The following ABHD3 variants were observed in gnomAD, a reference collection of about 807,000 sequenced individuals.
ABHD3 encodes the protein phospholipase ABHD3.
Under a neutral mutation model 48.8 loss-of-function variants are expected in ABHD3, and 46 were observed. The ratio of observed to expected loss-of-function variants is 0.94; its 90% CI spans 0.74 to 1.20. The LOEUF is 1.20. Among genes scored for constraint, ABHD3 ranks in the 50% most tolerant of loss-of-function variants. The pLI is 0.00. For missense variants in ABHD3, 490 were observed against 497.8 expected, an observed-to-expected ratio of 0.98 and a Z score of 0.15; for synonymous variants, 192 against 183.7, an observed-to-expected ratio of 1.04 and a Z score of -0.36.
At chr18:21,652,106 T>C (rs2039236037) in intron 8 of ABHD3, among the ~76,000 whole-genome samples, 1 of 152,162 alleles carries the variant, frequency 6.6e-6, no homozygotes, top group Non-Finnish European at 1.5e-5. Flanking sequence ...TAATAGGCTA[T>C]AAAATTCCCA....
intron 3 of ABHD3, among the ~76,000 whole-genome samples, chr18:21,690,020 C>A (rs970989898): frequency 1.3e-5 from 2 of 151,266 alleles, no homozygotes; most frequent in Non-Finnish European, 2.9e-5. Flanking sequence ...CTAACTGGTC[C>A]CGAGATTGTC....
chr18:21,704,051 C>G (rs1462855910), intron 1 of ABHD3, among the ~76,000 whole-genome samples: 3 of 152,212 alleles, frequency 2.0e-5, no homozygotes, highest in African/African-American at 7.2e-5. Context: ...GCCACCACGC[C>G]CGGCTAATTT....
Position 21,704,770 on chromosome 18 carries a change from A to G in ABHD3, c.-105T>C. ...GCGGCGCCGCTGCCTACTCCCGACC[A>G]CAGTGTCTCCTGCCTGGCGGAGCGC... On this transcript the variant is annotated 5_prime_UTR_variant, in exon 1 of 9. Coordinates refer to ENST00000289119, the MANE Select transcript of ABHD3 (RefSeq NM_138340.5). The G allele has an allele frequency of 7.5e-6, 8 of 1,064,536 alleles. No individual in the cohort carries two copies. Among genetic ancestry groups the G allele is most frequent in the East Asian group, 3.7e-5 (1 of 26,832 alleles). 65.9% of individuals were successfully genotyped at this position (1,064,536 alleles called of 1,614,324 possible). A position where few individuals can be genotyped will look rare whatever the true frequency, so the allele number is the denominator to read the frequency against.
intron 8 of ABHD3, among the ~76,000 whole-genome samples, chr18:21,653,251 A>AGGCTGAGGCAGGAGCATTG (rs2039269473): frequency 1.3e-5 from 2 of 150,366 alleles, no homozygotes; most frequent in Admixed American, 1.3e-4. Flanking sequence ...AATCCCAGCT[A>AGGCTGAGGCAGGAGCATTG]CTTGGGAGGC....
chr18:21,658,748 T>C (rs1339393193), intron 6 of ABHD3, among the ~76,000 whole-genome samples: 1 of 152,210 alleles, frequency 6.6e-6, no homozygotes, highest in African/African-American at 2.4e-5. Flanking sequence ...GTAGTAAATT[T>C]ATTCAGTGTA....
chr18:21,664,190 T>A lies in ABHD3; in HGVS notation c.596A>T (p.Glu199Val). The A allele has an allele frequency of 6.2e-7, 1 of 1,614,078 alleles. No individual in the cohort carries two copies. Among genetic ancestry groups the A allele is most frequent in the Non-Finnish European group, 8.5e-7 (1 of 1,179,988 alleles). ...TYCCANTEDL[E>V]TVIHHVHSLY... ...GCTGTGTACATGGTGAATAACTGTC[T>A]CCAAGTCTTCAGTGTTAGCACAACA... The change falls in exon 5 of 9, where the codon GAG (glutamate) becomes GTG (valine). Residue 199 changes from glutamate (E) to valine (V), a missense_variant. Physicochemically the swap from Glu to Val is moderately radical, Grantham distance 121. Coordinates refer to ENST00000289119, the MANE Select transcript of ABHD3 (RefSeq NM_138340.5).
chr18:21,660,104 C>T lies in ABHD3; in HGVS notation c.669-761G>A, dbSNP rs1262045409. Among the ~76,000 whole-genome samples the T allele has an allele frequency of 2.1e-5, 3 of 145,486 alleles. No individual in the cohort carries two copies. The Admixed American group carries it at 2.1e-4, about 10-fold the overall frequency. ...ACCCTCCCCAGTATCTGGGACTACA[C>T]GTGTCCGCCATCAAACACAGCTAAT... On this transcript the variant is annotated intron_variant, in intron 5 of 8. Transcript: ENST00000289119.
rs918149987 is a variant in ABHD3, at chr18:21,697,525, G to A, written c.509+4791C>T. Among the ~76,000 whole-genome samples the A allele has an allele frequency of 4.6e-5, 7 of 152,218 alleles. No homozygotes were observed. In the East Asian group the frequency reaches 1.4e-3, roughly 29 times the overall value. On this transcript the variant is annotated intron_variant, in intron 3 of 8. Transcript: ENST00000289119. ...CTCCCAAGTAGCTGGAATTACAGGT[G>A]CATGCCATGATGCCCGGCTAATTGT...
chr18:21,678,763 G>C (rs2039944127), intron 4 of ABHD3, among the ~76,000 whole-genome samples: 1 of 152,094 alleles, frequency 6.6e-6, no homozygotes, highest in South Asian at 2.1e-4. Context: ...GAACCCTACA[G>C]GAATATCTGA....
intron 5 of ABHD3, among the ~76,000 whole-genome samples, chr18:21,659,772 G>T (rs2039443952): frequency 6.6e-6 from 1 of 151,828 alleles, no homozygotes; most frequent in East Asian, 1.9e-4. Flanking sequence ...TGGTTCAAGC[G>T]ATTATCCTGC....
In ABHD3 at chr18:21,704,689, T is replaced by C; in HGVS notation, c.-24A>G. On this transcript the variant is annotated 5_prime_UTR_variant, in exon 1 of 9. Transcript: ENST00000289119. The stretch of plus-strand genomic sequence containing the variant: ...ATGGCCCCCGAGCGCGGCGCGCGGG[T>C]CCTGCGGCGGGAGGAGAGCCGGCTG... 1 of 1,423,100 alleles carries C rather than the reference T, an allele frequency of 7.0e-7. No individual in the cohort carries two copies. Among genetic ancestry groups the C allele is most frequent in the South Asian group, 1.5e-5 (1 of 67,630 alleles). The allele number at this position is 1,423,100 out of a possible 1,614,324, so 88.2% of individuals were successfully genotyped here.
rs1443001151 is a variant in ABHD3, at chr18:21,703,485, C to G, written c.326+99G>C. The G allele has an allele frequency of 9.1e-6, 13 of 1,436,058 alleles. No homozygotes were observed. The South Asian group carries it at 1.4e-4, about 15-fold the overall frequency. 89.0% of individuals were successfully genotyped at this position (1,436,058 alleles called of 1,614,324 possible). On this transcript the variant is annotated intron_variant, in intron 2 of 8. Transcript: ENST00000289119. ...TCCCTCTTTCTGTTCTATATACTTC[C>G]TAAAGCAGATTCTATTAACCAAGAA...
chr18:21,691,205 TAAA>T (rs1460157100), intron 3 of ABHD3, among the ~76,000 whole-genome samples: 1 of 152,134 alleles, frequency 6.6e-6, no homozygotes. Context: ...TTCATGATGA[TAAA>T]AAGTTAATTC....
intron 4 of ABHD3, among the ~76,000 whole-genome samples, chr18:21,667,820 G>A (rs1014408623): frequency 6.6e-6 from 1 of 151,862 alleles, no homozygotes; most frequent in African/African-American, 2.4e-5. Flanking sequence ...ACTATGCTCC[G>A]ACACTTAAAA....
At chr18:21,669,814 T>C (rs570319805) in intron 4 of ABHD3, among the ~76,000 whole-genome samples, 85 of 152,304 alleles carry the variant, frequency 5.6e-4, no homozygotes, top group African/African-American at 1.9e-3. Flanking sequence ...CTGTAGCTTC[T>C]TCCTCCTCAG....
chr18:21,704,401 T>G (rs2040589151), intron 1 of ABHD3, 103 bp downstream of exon 1: 2 of 1,168,886 alleles, frequency 1.7e-6, no homozygotes, highest in Non-Finnish European at 1.1e-6. Flanking sequence ...TCGCCGCCTA[T>G]CCCCGGGGCT....
chr18:21,704,765 C>G lies in ABHD3; in HGVS notation c.-100G>C, dbSNP rs567681325. ...CGGACGCGGCGCCGCTGCCTACTCC[C>G]GACCACAGTGTCTCCTGCCTGGCGG... is the stretch of plus-strand genomic sequence containing the variant. On this transcript the variant is annotated 5_prime_UTR_variant, in exon 1 of 9. Transcript: ENST00000289119. 3.8e-5 allele frequency: 41 copies of G among 1,086,228 alleles called. No homozygotes were observed. In the East Asian group the frequency reaches 1.0e-3, roughly 27 times the overall value. The allele number at this position is 1,086,228 out of a possible 1,614,324, so 67.3% of individuals were successfully genotyped here. A position where few individuals can be genotyped will look rare whatever the true frequency, so the allele number is the denominator to read the frequency against.
At chr18:21,687,147 C>G (rs1427434184) in intron 3 of ABHD3, among the ~76,000 whole-genome samples, 1 of 152,010 alleles carries the variant, frequency 6.6e-6, no homozygotes, top group Non-Finnish European at 1.5e-5. Context: ...GAGCTCAAAA[C>G]AATCCTCTCG....
chr18:21,704,746 C>CGGGCGAGAGCGGGCGAGAGCG lies in ABHD3; in HGVS notation c.-82_-81insCGCTCTCGCCCGCTCTCGCCC, dbSNP rs2040603098. The CGGGCGAGAGCGGGCGAGAGCG allele has an allele frequency of 4.8e-5, 46 of 968,234 alleles. No individual in the cohort carries two copies. In the African/African-American group the frequency reaches 1.8e-3, roughly 37 times the overall value. 60.0% of individuals were successfully genotyped at this position (968,234 alleles called of 1,614,324 possible). A position where few individuals can be genotyped will look rare whatever the true frequency, so the allele number is the denominator to read the frequency against. On this transcript the variant is annotated 5_prime_UTR_variant, in exon 1 of 9. Coordinates refer to ENST00000289119, the MANE Select transcript of ABHD3 (RefSeq NM_138340.5). ...GGGCGAGAGCGGGCGAGAGCGGACG[C>CGGGCGAGAGCGGGCGAGAGCG]GGCGCCGCTGCCTACTCCCGACCAC...
Sources: allele counts gnomAD v4.1 joint callset (sites outside exome capture counted in the v4.1 genomes callset), GRCh38; gene constraint gnomAD v4.1.1; transcripts MANE v1.5; gene names NCBI Gene and HGNC (gene_info 2026-07-23, HGNC 2026-07-21).